Variants in SLFN12 observed in about 807,000 individuals in gnomAD.
SLFN12 encodes the protein schlafen family member 12.
A neutral mutation model predicts 29.1 loss-of-function variants in SLFN12; 25 were observed. That is an observed-to-expected ratio of 0.86 (90% CI 0.63 to 1.20). The LOEUF (loss-of-function observed/expected upper bound fraction) is 1.20. SLFN12 is among the 50% of genes most tolerant of loss of function. The pLI is 0.00. For synonymous variants in SLFN12, 257 were observed against 238.7 expected (o/e 1.08, Z -0.71); for missense variants, 660 against 666.2 (o/e 0.99, Z 0.10).
chr17:35,433,004 A>C (rs972673835), upstream of SLFN12: 1 of 152,216 alleles, frequency 6.6e-6, no homozygotes, highest in African/African-American at 2.4e-5. Context: ...AAAACCCACG[A>C]AAACAGCTCT....
chr17:35,430,465 A>T (rs906745226), intron 1 of SLFN12: 2 of 152,120 alleles, frequency 1.3e-5, no homozygotes, highest in African/African-American at 4.8e-5. Flanking sequence ...CGCCGCTCTC[A>T]GTTACCATCA....
intron 2 of SLFN12, 88 bp from the exon 3 acceptor site, chr17:35,420,469 T>A: frequency 1.3e-6 from 1 of 757,856 alleles, no homozygotes; most frequent in Non-Finnish European, 2.1e-6. Context: ...AAAGTCTACT[T>A]GTAACTGATT....
Position 35,422,743 on chromosome 17 carries a change from A to G in SLFN12, c.286T>C (p.Phe96Leu). Residue 96 changes from phenylalanine (F) to leucine (L), a missense_variant, in exon 2 of 4, where the codon TTC becomes CTC. Phe to Leu is a conservative substitution (Grantham distance 22, BLOSUM62 0). Transcript: ENST00000304905. ...AGAAAGTAGTTACCATTCTGCATGA[A>G]GTCTAAGTACTCAGGAACAAATAAC... The part of the protein sequence containing the change: ...ILLFVPEYLD[F>L]MQNGNYFLIF... The G allele has an allele frequency of 6.2e-7, 1 of 1,614,142 alleles. No individual in the cohort carries two copies. Among genetic ancestry groups the G allele is most frequent in the Non-Finnish European group, 8.5e-7 (1 of 1,180,016 alleles).
chr17:35,411,688 C>T lies in SLFN12; in HGVS notation c.1387G>A (p.Asp463Asn), dbSNP rs745589687. 1 of 1,613,992 alleles carries T rather than the reference C, an allele frequency of 6.2e-7. No individual in the cohort carries two copies. The highest frequency in any genetic ancestry group is 8.5e-7 in the Non-Finnish European group (1 of 1,179,986). The change falls in exon 4 of 4, where the codon GAT (aspartate) becomes AAT (asparagine). Residue 463 changes from aspartate to asparagine, a missense_variant. Physicochemically the swap from Asp to Asn is conservative, Grantham distance 23. Transcript: ENST00000304905. ...PVLYTFHMVQ[D>N]EEFKGYSTQT... ...GTAGAATAGCCTTTAAACTCCTCAT[C>T]CTGTACCATGTGGAAGGTGTATAGG... is the stretch of plus-strand genomic sequence containing the variant.
chr17:35,419,682 A>G (rs924752840), intron 3 of SLFN12, among the ~76,000 whole-genome samples: 1 of 152,128 alleles, frequency 6.6e-6, no homozygotes, highest in Non-Finnish European at 1.5e-5. Context: ...TGATGGGAGT[A>G]ACATGACCTA....
chr17:35,426,631 G>T (rs1912034640), intron 1 of SLFN12, among the ~76,000 whole-genome samples: 2 of 152,086 alleles, frequency 1.3e-5, no homozygotes, highest in Non-Finnish European at 2.9e-5. Context: ...TTTCTGTTGT[G>T]TGTATGCTTT....
At chr17:35,420,488 C>A in intron 2 of SLFN12, 107 bp from the exon 3 acceptor site, 10 of 667,302 alleles carry the variant, frequency 1.5e-5, no homozygotes, top group Admixed American at 7.2e-5. Flanking sequence ...TTCTGTTTTC[C>A]AAAAAAAAAT....
chr17:35,421,251 AAT>A lies in SLFN12; in HGVS notation c.1039+737_1039+738del, dbSNP rs1319976005. Among the ~76,000 whole-genome samples, 11 of 146,434 alleles carry A rather than the reference AAT, an allele frequency of 7.5e-5. 1 individual carries two copies. In the East Asian group the frequency reaches 1.8e-3, roughly 24 times the overall value. On this transcript the variant is annotated intron_variant, in intron 2 of 3. Transcript: ENST00000304905. ...AAATAAATAAATAAATAAATAAATA[AAT>A]AAATAGAAAGGGGACAAGAAGCATG...
intron 3 of SLFN12, among the ~76,000 whole-genome samples, chr17:35,415,582 A>G (rs1911267201): frequency 6.6e-6 from 1 of 152,160 alleles, no homozygotes; most frequent in South Asian, 2.1e-4. Context: ...CAATCCACAG[A>G]GTGGGAGAAA....
In SLFN12 at chr17:35,431,712, G is replaced by C. The variant is rs189553487; in HGVS notation, c.-41+476C>G. Among the ~76,000 whole-genome samples the C allele has an allele frequency of 2.4e-3, 371 of 152,206 alleles. 2 individuals are homozygous for C. Among genetic ancestry groups the C allele is most frequent in the African/African-American group, 8.4e-3 (347 of 41,552 alleles). On this transcript the variant is annotated intron_variant, in intron 1 of 3. Transcript: ENST00000304905. The stretch of plus-strand genomic sequence containing the variant: ...CTCTGGATGAAGGCCTTGACTTCTA[G>C]CATCCTTATAATTTGATAAGGCCAT...
chr17:35,413,641 C>T (rs997098856), intron 3 of SLFN12, among the ~76,000 whole-genome samples: 1 of 150,906 alleles, frequency 6.6e-6, no homozygotes, highest in Non-Finnish European at 1.5e-5. Context: ...CCCAGCTACT[C>T]GGGAGGCTGA....
intron 3 of SLFN12, among the ~76,000 whole-genome samples, chr17:35,413,945 A>AT (rs1207112853): frequency 6.6e-6 from 1 of 152,032 alleles, no homozygotes; most frequent in Admixed American, 6.6e-5. Context: ...TGTAATTTAA[A>AT]AAAACCTCTT....
rs536760425 is a variant in SLFN12 at position 35,414,423 on chromosome 17, C to A, written c.1148-2496G>T. Among the ~76,000 whole-genome samples the A allele has an allele frequency of 3.3e-5, 5 of 152,066 alleles. No individual in the cohort carries two copies. In the East Asian group the frequency reaches 9.6e-4, roughly 29 times the overall value. On this transcript the variant is annotated intron_variant, in intron 3 of 3. Coordinates refer to ENST00000304905, the MANE Select transcript of SLFN12 (RefSeq NM_018042.5). ...ATCAAGGAGATGAAAGATTTCTATA[C>A]TGATATCTATAAAATGCTGATGAAG...
At chr17:35,416,944 A>C (rs1911352327) in intron 3 of SLFN12, among the ~76,000 whole-genome samples, 1 of 152,100 alleles carries the variant, frequency 6.6e-6, no homozygotes, top group African/African-American at 2.4e-5. Flanking sequence ...GTCTTCCCAC[A>C]AAAGGAAGAC....
At chr17:35,423,633 A>G (rs1463085066) in intron 1 of SLFN12, among the ~76,000 whole-genome samples, 1 of 152,114 alleles carries the variant, frequency 6.6e-6, no homozygotes, top group Non-Finnish European at 1.5e-5. Context: ...GGGCTAAGTC[A>G]TTGTGCCCTT....
chr17:35,417,345 T>A (rs1911372943), intron 3 of SLFN12, among the ~76,000 whole-genome samples: 1 of 152,102 alleles, frequency 6.6e-6, no homozygotes, highest in Non-Finnish European at 1.5e-5. Flanking sequence ...TCAGTATTCA[T>A]CCATGATAAA....
rs545049728 is a variant in SLFN12, at chr17:35,428,904, A to G, written c.-41+3284T>C. 2.0e-5 allele frequency among the ~76,000 whole-genome samples: 3 copies of G among 152,144 alleles called. No individual in the cohort carries two copies. In the South Asian group the frequency reaches 6.2e-4, roughly 32 times the overall value. On this transcript the variant is annotated intron_variant, in intron 1 of 3. Transcript: ENST00000304905. ...TTTCTTGCACATGAGGCTGCCCCAAAGGCAAGTCCACCTTCCCTGTTGACC... is the reference window on the plus strand; with the variant it reads ...TTTCTTGCACATGAGGCTGCCCCAAGGGCAAGTCCACCTTCCCTGTTGACC...
rs1489933736 is a variant in SLFN12, at chr17:35,411,488, G to A, written c.1587C>T (p.Tyr529=). Residue 529 remains tyrosine (Y), a synonymous_variant, in exon 4 of 4, where the codon TAC becomes TAT. Coordinates refer to ENST00000304905, the MANE Select transcript of SLFN12 (RefSeq NM_018042.5). ...AGGCTTTAAAAAGGGCTTTCAGCAA[G>A]TATTTCCTTCTTGTAAAATAGTAGG... The part of the protein sequence containing the change: ...PESYYFTRRK[Y]LLKALFKALK... 6.2e-7 allele frequency: 1 copy of A among 1,614,044 alleles called. No individual in the cohort carries two copies. The highest frequency in any genetic ancestry group is 1.7e-5 in the Admixed American group (1 of 60,014).
At chr17:35,413,839 C>A (rs1052909801) in intron 3 of SLFN12, among the ~76,000 whole-genome samples, 1 of 150,822 alleles carries the variant, frequency 6.6e-6, no homozygotes, top group Non-Finnish European at 1.5e-5. Flanking sequence ...ATGTGAAAAT[C>A]AATAATTGTG....
Sources: gnomAD v4.1 joint callset for allele counts (sites outside exome capture counted in the v4.1 genomes callset) on GRCh38, gnomAD v4.1.1 for gene constraint, MANE v1.5 for transcripts, NCBI Gene and HGNC (gene_info 2026-07-23, HGNC 2026-07-21) for gene names.